Variants in CHST8 observed in about 807,000 individuals in gnomAD.
CHST8 encodes carbohydrate sulfotransferase 8.
A neutral mutation model predicts 15.0 loss-of-function variants in CHST8; 10 were observed. The ratio of observed to expected loss-of-function variants is 0.67; its 90% CI spans 0.41 to 1.13. The LOEUF (loss-of-function observed/expected upper bound fraction) is 1.13, where lower values mean the gene tolerates loss of function less well. CHST8 is among the 50% of genes most tolerant of loss of function. CHST8 has a pLI of 0.00. For missense variants in CHST8, 634 were observed against 608.2 expected (o/e 1.04, Z -0.45); for synonymous variants, 259 against 256.6 (o/e 1.01, Z -0.09).
intron 2 of CHST8, among the ~76,000 whole-genome samples, chr19:33,668,435 G>T (rs1972691503): frequency 6.6e-6 from 1 of 152,146 alleles, no homozygotes; most frequent in African/African-American, 2.4e-5. Flanking sequence ...GGGAAGAGCT[G>T]TCTGGGCTTT....
intron 3 of CHST8, among the ~76,000 whole-genome samples, chr19:33,727,093 C>G (rs1043052278): frequency 6.6e-6 from 1 of 152,032 alleles, no homozygotes; most frequent in Non-Finnish European, 1.5e-5. Context: ...CATCCACAGT[C>G]GCCCGGGAGC....
At chr19:33,705,196 A>G (rs1400641336) in intron 3 of CHST8, among the ~76,000 whole-genome samples, 1 of 152,136 alleles carries the variant, frequency 6.6e-6, no homozygotes, top group African/African-American at 2.4e-5. Context: ...AGGGGATGCT[A>G]AGAATTACTT....
At chr19:33,706,763 C>T (rs575977673) in intron 3 of CHST8, among the ~76,000 whole-genome samples, 5 of 152,292 alleles carry the variant, frequency 3.3e-5, no homozygotes, top group East Asian at 3.9e-4. Flanking sequence ...CCAGAAGTAG[C>T]GGCAGTAATT....
intron 3 of CHST8, among the ~76,000 whole-genome samples, chr19:33,766,861 C>G (rs1974857462): frequency 6.6e-6 from 1 of 152,208 alleles, no homozygotes; most frequent in Non-Finnish European, 1.5e-5. Flanking sequence ...GCAGACTCAG[C>G]CACCAGAAGC....
chr19:33,677,559 G>C (rs970239635), intron 2 of CHST8, among the ~76,000 whole-genome samples: 2 of 152,280 alleles, frequency 1.3e-5, no homozygotes, highest in East Asian at 3.9e-4. Flanking sequence ...ACCCAAGCCT[G>C]TTCCTCCACC....
At chr19:33,661,823 G>A (rs567873308) in intron 1 of CHST8, among the ~76,000 whole-genome samples, 1 of 147,846 alleles carries the variant, frequency 6.8e-6, no homozygotes, top group Non-Finnish European at 1.5e-5. Context: ...TTGAGGCCAG[G>A]AGTTCGAGAC....
At chr19:33,705,402 T>G (rs1973427420) in intron 3 of CHST8, among the ~76,000 whole-genome samples, 1 of 152,098 alleles carries the variant, frequency 6.6e-6, no homozygotes, top group Non-Finnish European at 1.5e-5. Context: ...AGGTGACTGG[T>G]CAGCAGAGAT....
chr19:33,682,713 T>C (rs1485992863), intron 2 of CHST8, among the ~76,000 whole-genome samples: 4 of 152,254 alleles, frequency 2.6e-5, no homozygotes, highest in Admixed American at 1.3e-4. Flanking sequence ...GTCACCCATG[T>C]TGTAGCATGT....
chr19:33,734,159 C>A (rs1393139619), intron 3 of CHST8, among the ~76,000 whole-genome samples: 2 of 152,182 alleles, frequency 1.3e-5, no homozygotes, highest in African/African-American at 2.4e-5. Context: ...CCGGCTAAAA[C>A]CCACCAAAAC....
At chr19:33,636,107 A>AAAC (rs1344529394) in intron 1 of CHST8, among the ~76,000 whole-genome samples, 1 of 151,080 alleles carries the variant, frequency 6.6e-6, no homozygotes, top group African/African-American at 2.5e-5. Flanking sequence ...AAAAAAAAAA[A>AAAC]ACCTCTTGAC....
rs113476152 is a variant in CHST8 at position 33,653,622 on chromosome 19, T to C, written c.-163-14145T>C. 7.3e-3 allele frequency among the ~76,000 whole-genome samples: 1,113 copies of C among 152,312 alleles called. 11 individuals are homozygous for C. Among genetic ancestry groups the C allele is most frequent in the Middle Eastern group, 0.02 (6 of 294 alleles). ...TATGAAGGACAGTAAAGCACGGTGG[T>C]TAAGAACACGGACTCTGGAGATAGT... On this transcript the variant is annotated intron_variant, in intron 1 of 4. Coordinates refer to ENST00000650847, the MANE Select transcript of CHST8 (RefSeq NM_001127895.2).
At chr19:33,771,637 A>G (rs1974984809) in intron 4 of CHST8, among the ~76,000 whole-genome samples, 187 bp downstream of exon 4, 1 of 152,084 alleles carries the variant, frequency 6.6e-6, no homozygotes, top group South Asian at 2.1e-4. Flanking sequence ...CCTTGTTAGA[A>G]GGCTTCTTTG....
chr19:33,701,271 C>T (rs1021607856), intron 3 of CHST8, among the ~76,000 whole-genome samples: 2 of 152,162 alleles, frequency 1.3e-5, no homozygotes, highest in African/African-American at 4.8e-5. Context: ...TTCCTCCACC[C>T]CCTGCAATTG....
chr19:33,676,667 G>A (rs1261036660), intron 2 of CHST8, among the ~76,000 whole-genome samples: 1 of 152,104 alleles, frequency 6.6e-6, no homozygotes, highest in Non-Finnish European at 1.5e-5. Context: ...CATGAGGCCA[G>A]GAGTTTAAGA....
At chr19:33,693,079 C>T (rs927259229) in intron 3 of CHST8, among the ~76,000 whole-genome samples, 8 of 151,480 alleles carry the variant, frequency 5.3e-5, no homozygotes, top group Non-Finnish European at 1.0e-4. Flanking sequence ...CGATCTCAGC[C>T]CACCGCAAAC....
chr19:33,675,013 G>A (rs1408759640), intron 2 of CHST8, among the ~76,000 whole-genome samples: 1 of 152,168 alleles, frequency 6.6e-6, no homozygotes, highest in Non-Finnish European at 1.5e-5. Context: ...AGATACACAG[G>A]ATGGAGCCGT....
At chr19:33,647,705 G>A (rs986367675) in intron 1 of CHST8, among the ~76,000 whole-genome samples, 2 of 151,906 alleles carry the variant, frequency 1.3e-5, no homozygotes, top group Non-Finnish European at 2.9e-5. Flanking sequence ...AATTAGCCAG[G>A]CATGGTGGCG....
chr19:33,682,361 A>C (rs1972905642), intron 2 of CHST8, among the ~76,000 whole-genome samples: 1 of 151,708 alleles, frequency 6.6e-6, no homozygotes, highest in Non-Finnish European at 1.5e-5. Context: ...TTTTAGTAGA[A>C]ATGGGGTTTC....
intron 2 of CHST8, among the ~76,000 whole-genome samples, chr19:33,687,546 G>A (rs533538147): frequency 3.2e-4 from 48 of 152,308 alleles, no homozygotes; most frequent in African/African-American, 7.9e-4. Flanking sequence ...CTGGAAGGCC[G>A]CAGGAACCAA....
Sources: gnomAD v4.1 joint callset for allele counts (sites outside exome capture counted in the v4.1 genomes callset) on GRCh38, gnomAD v4.1.1 for gene constraint, MANE v1.5 for transcripts, NCBI Gene and HGNC (gene_info 2026-07-23, HGNC 2026-07-21) for gene names.